The following ACD variants were observed in gnomAD, a reference collection of about 807,000 sequenced individuals.
ACD encodes adrenocortical dysplasia protein homolog.
In ACD, 39 loss-of-function variants were observed where a neutral mutation model predicts 53.9. The ratio of observed to expected loss-of-function variants is 0.72; its 90% CI spans 0.56 to 0.95. ACD has a LOEUF of 0.95. ACD is among the 40% of genes least tolerant of loss of function. The pLI, the probability that ACD is intolerant of heterozygous loss-of-function variation, is 0.00. For missense variants in ACD, 526 were observed against 587.9 expected (o/e 0.89, Z 1.09); for synonymous variants, 273 against 249.2 (o/e 1.10, Z -0.90).
chr16:67,660,255 G>A lies in ACD; in HGVS notation c.-35C>T, dbSNP rs895563147. ...TACACCCAGCGGATGCAACGGGCCC[G>A]GGTTTCCCGCGGGCGCCCAGGCCCC... On this transcript the variant is annotated 5_prime_UTR_variant, in exon 1 of 12. Transcript: ENST00000620761. 2.5e-6 allele frequency: 4 copies of A among 1,612,366 alleles called. No individual in the cohort carries two copies. Among genetic ancestry groups the A allele is most frequent in the African/African-American group, 2.7e-5 (2 of 75,046 alleles).
intron 8 of ACD, 29 bp downstream of exon 8, chr16:67,658,691 A>G: frequency 1.3e-6 from 2 of 1,596,298 alleles, no homozygotes; most frequent in Non-Finnish European, 1.7e-6. Context: ...GGCCCCAGGT[A>G]TCCCCCCAAC....
intron 6 of ACD, 43 bp downstream of exon 6, chr16:67,659,186 C>T (rs1396479080): frequency 3.1e-6 from 5 of 1,613,562 alleles, no homozygotes; most frequent in Non-Finnish European, 4.2e-6. Context: ...CTGGAGAGAT[C>T]ACTGCACAGC....
Position 67,660,137 on chromosome 16 carries a change from G to T in ACD, c.84C>A (p.Ala28=). The change falls in exon 1 of 12, where the codon GCC becomes GCA. Residue 28 remains alanine (A), a synonymous_variant. Coordinates refer to ENST00000620761, the MANE Select transcript of ACD (RefSeq NM_001082486.2). ...GGGGGCTCACCTCAAGCAGCTGCCCGGCTCGTGGACTGGAGGGTGTCTCTG... is the reference window on the plus strand; with the variant it reads ...GGGGGCTCACCTCAAGCAGCTGCCCTGCTCGTGGACTGGAGGGTGTCTCTG... ...LGSETPSSPR[A]GQLLEVLQDA... is the part of the protein sequence containing the mutation. 1 of 1,612,538 alleles carries T rather than the reference G, an allele frequency of 6.2e-7. No individual in the cohort carries two copies. Among genetic ancestry groups the T allele is most frequent in the Non-Finnish European group, 8.5e-7 (1 of 1,179,900 alleles).
rs139256582 is a variant in ACD, at chr16:67,658,737, G to A, written c.725C>T (p.Pro242Leu). The change falls in exon 8 of 12, where the codon CCC (proline) becomes CTC (leucine). Residue 242 changes from proline (P) to leucine (L), a missense_variant. Coordinates refer to ENST00000620761, the MANE Select transcript of ACD (RefSeq NM_001082486.2). ...NDQLILSSLG[P>L]CQRTQGPELP... ...CCCCTTACCCTGTGTCCTCTGACAG[G>A]GGCCTAGAGAGCTCAGAATTAGCTG... The A allele has an allele frequency of 3.4e-5, 55 of 1,612,462 alleles. No individual in the cohort carries two copies. Among genetic ancestry groups the A allele is most frequent in the Non-Finnish European group, 4.7e-5 (55 of 1,179,086 alleles).
In ACD at chr16:67,659,318, G is replaced by A. The variant is rs1278116809; in HGVS notation, c.459-55C>T. The A allele has an allele frequency of 1.1e-5, 17 of 1,613,928 alleles. No homozygotes were observed. In the East Asian group the frequency reaches 3.8e-4, roughly 36 times the overall value. On this transcript the variant is annotated intron_variant, in intron 5 of 11. Coordinates refer to ENST00000620761, the MANE Select transcript of ACD (RefSeq NM_001082486.2). ...AACCATGCTGAGGCCTGTCTACCTA[G>A]ATACACCATCCCCTCACCAAACAAC...
rs1399968681 is a variant in ACD at position 67,658,752 on chromosome 16, A to G, written c.710T>C (p.Leu237Pro). Residue 237 changes from leucine (L) to proline (P), a missense_variant, in exon 8 of 12, where the codon CTG (leucine) becomes CCG (proline). Leu to Pro is a moderately conservative substitution (Grantham distance 98). Transcript: ENST00000620761. ...LCISENDQLI[L>P]SSLGPCQRTQ... ...CCTCTGACAGGGGCCTAGAGAGCTC[A>G]GAATTAGCTGGTCATTCTCAGAGAT... The G allele has an allele frequency of 1.1e-5, 18 of 1,613,468 alleles. No individual in the cohort carries two copies. The highest frequency in any genetic ancestry group is 1.5e-5 in the Non-Finnish European group (18 of 1,179,700).
At chr16:67,660,251 GCCCGGGTTTCCCGCGGGCGCCCAGGC>G in exon 1 of ACD, 1 of 1,612,492 alleles carries the variant, frequency 6.2e-7, no homozygotes, top group Non-Finnish European at 8.5e-7. Context: ...GATGCAACGG[GCCCGGGTTTCCCGCGGGCGCCCAGGC>G]CCCGCCTTTC....
Position 67,659,952 on chromosome 16 carries a change from G to A in ACD, c.193C>T (p.His65Tyr). The change falls in exon 2 of 12, where the codon CAC becomes TAC. Residue 65 changes from histidine to tyrosine, a missense_variant. By Grantham distance (83) the His-to-Tyr change is moderately conservative. Transcript: ENST00000620761. ...CGCGTCACCAGGCATCGGACACTGT[G>A]GGTCCCGTCAGACACAAGCAGCGTG... ...GATLLVSDGT[H>Y]SVRCLVTREA... is the part of the protein sequence containing the mutation. The A allele has an allele frequency of 3.1e-6, 5 of 1,608,344 alleles. No homozygotes were observed. The highest frequency in any genetic ancestry group is 3.4e-6 in the Non-Finnish European group (4 of 1,178,920).
Position 67,658,226 on chromosome 16 carries a change from G to A in ACD, c.966C>T (p.Ala322=). 1 of 1,613,488 alleles carries A rather than the reference G, an allele frequency of 6.2e-7. No homozygotes were observed. Among genetic ancestry groups the A allele is most frequent in the African/African-American group, 1.3e-5 (1 of 75,038 alleles). ...GGGACCTGGGGGTCAGGGTGGCAGG[G>A]GCTGAGCAGATGGCTGGTGAGGGCT... ...SSQPSPAICS[A]PATLTPRSPH... Residue 322 remains alanine, a synonymous_variant, in exon 10 of 12, where the codon GCC becomes GCT. Coordinates refer to ENST00000620761, the MANE Select transcript of ACD (RefSeq NM_001082486.2).
chr16:67,658,153 T>C lies in ACD; in HGVS notation c.1039A>G (p.Ser347Gly), dbSNP rs2052912938. Residue 347 changes from serine to glycine, a missense_variant, in exon 10 of 12, where the codon AGT becomes GGT. Ser to Gly is a moderately conservative substitution (Grantham distance 56). Transcript: ENST00000620761. ...PSSPLQSCTP[S>G]LSPRSHVPSP... Reference sequence around the variant, plus strand: ...GGGACATGGCTACGGGGTGAGAGACTGGGAGTGCAGCTCTGGAGTGGGGAG... The same window carrying C: ...GGGACATGGCTACGGGGTGAGAGACCGGGAGTGCAGCTCTGGAGTGGGGAG... 1 of 1,605,420 alleles carries C rather than the reference T, an allele frequency of 6.2e-7. No individual in the cohort carries two copies. Among genetic ancestry groups the C allele is most frequent in the African/African-American group, 1.3e-5 (1 of 74,722 alleles).
At position 67,659,599 on chromosome 16, in the gene ACD, A is replaced by T. The variant is rs1212341101; in HGVS notation, c.351T>A (p.Tyr117Ter). 6.2e-7 allele frequency: 1 copy of T among 1,613,414 alleles called. No individual in the cohort carries two copies. The highest frequency in any genetic ancestry group is 1.7e-5 in the Admixed American group (1 of 60,010). The change falls in exon 4 of 12, where the codon TAT becomes TAA. Residue 117 changes from tyrosine to a stop codon, truncating the protein, a stop_gained. Transcript: ENST00000620761. LOFTEE classifies it high-confidence loss of function. ...GCAGGCTGAAGCGGTCCACCTGGAG[A>T]TAGAACTCTGCGGGCTGGAGGAGTT... Reference protein sequence around the residue: ...VAEGGAPAEFYLQVDRFSLLP... With the variant: ...VAEGGAPAEF
rs762553811 is a variant in ACD at position 67,658,637 on chromosome 16, AG to A, written c.746del (p.Pro249LeufsTer15). On this transcript the variant is annotated frameshift_variant, in exon 9 of 12. Transcript: ENST00000620761. LOFTEE classifies it high-confidence loss of function. ...GAGCCGGGTCTGGTGGGGGCAGCTC[AG>A]GGCCTGGGGGGTTCAGGAAGTCTTA... ...SLGPCQRTQG[P>X]ELPPPDPALQ... The A allele has an allele frequency of 3.2e-6, 5 of 1,578,748 alleles. No homozygotes were observed.
In ACD at chr16:67,657,927, C is replaced by T; in HGVS notation, c.1206+59G>A. On this transcript the variant is annotated intron_variant, in intron 10 of 11. Transcript: ENST00000620761. The surrounding 1 kb of genome is among the most constrained non-coding windows in gnomAD (Gnocchi z 4.5). ...CATCCAAGGCTACCCATGCTCCCTC[C>T]CAGCTCTACCTCAGGCCTTCCTTGT... 6.2e-7 allele frequency: 1 copy of T among 1,609,070 alleles called. No individual in the cohort carries two copies. Among genetic ancestry groups the T allele is most frequent in the South Asian group, 1.1e-5 (1 of 90,588 alleles).
At chr16:67,658,693 C>A in intron 8 of ACD, 27 bp downstream of exon 8, 1 of 1,596,132 alleles carries the variant, frequency 6.3e-7, no homozygotes, top group Non-Finnish European at 8.6e-7. Context: ...CCCCAGGTAT[C>A]CCCCCAACCT....
chr16:67,658,487 A>G, intron 9 of ACD, 68 bp downstream of exon 9: 1 of 1,581,106 alleles, frequency 6.3e-7, no homozygotes. Flanking sequence ...CTTTCACAGC[A>G]TCCTGCGCAG....
Position 67,658,353 on chromosome 16 carries a change from G to C in ACD, c.839C>G (p.Ala280Gly), listed in dbSNP as rs779705657. 9.9e-6 allele frequency: 16 copies of C among 1,613,596 alleles called. No individual in the cohort carries two copies. In the Admixed American group the frequency reaches 2.7e-4, roughly 27 times the overall value. ...PSSPSSSGTP[A>G]LPGHMSSEES... ...CTCGGATGACATGTGGCCGGGTAAG[G>C]CCGGGGTTCCTGAGGAGGAGGGGAC... The change falls in exon 10 of 12, where the codon GCC becomes GGC. Residue 280 changes from alanine (A) to glycine (G), a missense_variant. Ala to Gly is a moderately conservative substitution (Grantham distance 60). Coordinates refer to ENST00000620761, the MANE Select transcript of ACD (RefSeq NM_001082486.2).
rs745891027 is a variant in ACD, at chr16:67,659,596, G to C, written c.354C>G (p.Leu118=). Residue 118 remains leucine (L), a synonymous_variant, in exon 4 of 12, where the codon CTC becomes CTG. Coordinates refer to ENST00000620761, the MANE Select transcript of ACD (RefSeq NM_001082486.2). The part of the protein sequence containing the change: ...AEGGAPAEFY[L]QVDRFSLLPT... ...GCAGCAGGCTGAAGCGGTCCACCTGGAGATAGAACTCTGCGGGCTGGAGGA... is the reference window on the plus strand; with the variant it reads ...GCAGCAGGCTGAAGCGGTCCACCTGCAGATAGAACTCTGCGGGCTGGAGGA... 1 of 1,613,544 alleles carries C rather than the reference G, an allele frequency of 6.2e-7. No homozygotes were observed. Among genetic ancestry groups the C allele is most frequent in the Non-Finnish European group, 8.5e-7 (1 of 1,179,978 alleles).
chr16:67,658,299 G>T lies in ACD; in HGVS notation c.893C>A (p.Pro298His). The change falls in exon 10 of 12, where the codon CCT becomes CAT. Residue 298 changes from proline to histidine, a missense_variant. Physicochemically the swap from Pro to His is moderately conservative, Grantham distance 77. Transcript: ENST00000620761. ...EESGTSISLLPALSLAAPDPG... is the reference protein window; with the variant it reads ...EESGTSISLLHALSLAAPDPG... Reference sequence around the variant, plus strand: ...GTCTGGAGCAGCCAAGGACAGGGCAGGCAGAAGGCTGATGCTGGTACCACT... The same window carrying T: ...GTCTGGAGCAGCCAAGGACAGGGCATGCAGAAGGCTGATGCTGGTACCACT... 6.2e-7 allele frequency: 1 copy of T among 1,613,896 alleles called. No individual in the cohort carries two copies. Among genetic ancestry groups the T allele is most frequent in the Non-Finnish European group, 8.5e-7 (1 of 1,180,014 alleles).
At chr16:67,659,819 G>A in intron 2 of ACD, 24 bp from the exon 3 acceptor site, 2 of 1,594,788 alleles carry the variant, frequency 1.3e-6, no homozygotes. Context: ...GATCCTCACT[G>A]CCGGGCCCAC....
Sources: allele counts gnomAD v4.1 joint callset, GRCh38; gene constraint gnomAD v4.1.1; non-coding constraint Gnocchi (gnomAD v3.1); transcripts MANE v1.5; gene names NCBI Gene and HGNC (gene_info 2026-07-23, HGNC 2026-07-21).